Variants in CRIM1 observed in about 807,000 individuals in gnomAD.
CRIM1 encodes the protein cysteine-rich motor neuron 1 protein.
Under a neutral mutation model 116.4 loss-of-function variants are expected in CRIM1, and 32 were observed. The ratio of observed to expected loss-of-function variants is 0.27; its 90% CI spans 0.21 to 0.37. The LOEUF (loss-of-function observed/expected upper bound fraction) is 0.37. Among genes scored for constraint, CRIM1 ranks in the 10% least tolerant of loss-of-function variants. The pLI is 1.00. For missense variants in CRIM1, 1,331 were observed against 1,354.8 expected, an observed-to-expected ratio of 0.98 and a Z score of 0.28; for synonymous variants, 590 against 509.2, an observed-to-expected ratio of 1.16 and a Z score of -2.13.
At chr2:36,414,854 T>C (rs1469000468) in intron 2 of CRIM1, among the ~76,000 whole-genome samples, 1 of 152,048 alleles carries the variant, frequency 6.6e-6, no homozygotes, top group Non-Finnish European at 1.5e-5. Context: ...ACAGACAACA[T>C]GGTAAGGAGT....
intron 1 of CRIM1, among the ~76,000 whole-genome samples, chr2:36,375,490 A>G (rs781774029): frequency 4.6e-5 from 7 of 152,220 alleles, no homozygotes; most frequent in Admixed American, 2.0e-4. Context: ...CCAGGCTTCA[A>G]ATATATTTTA....
In CRIM1 at chr2:36,510,076, G is replaced by A; in HGVS notation, c.1595G>A (p.Cys532Tyr). ...TDAQNCEICE[C>Y]RPRPKKCRPI... ...GCCCAAAACTGTGAGATCTGTGAGT[G>A]CCGCCCAAGGCCCAAGAAGTGCAGA... Residue 532 changes from cysteine to tyrosine, a missense_variant, in exon 9 of 17, where the codon TGC (cysteine) becomes TAC (tyrosine). Physicochemically the swap from Cys to Tyr is radical, Grantham distance 194. Coordinates refer to ENST00000280527, the MANE Select transcript of CRIM1 (RefSeq NM_016441.3). 1.2e-6 allele frequency: 2 copies of A among 1,614,182 alleles called. No homozygotes were observed. The highest frequency in any genetic ancestry group is 2.2e-5 in the East Asian group (1 of 44,880).
Position 36,356,364 on chromosome 2 carries a change from G to A in CRIM1, c.72G>A (p.Leu24=). ...TCCTGGTCTCGCTGCTGGGGCTGCT[G>A]CTGCTGCTGGCGCGCTCCGGCACCC... ...GHLLVSLLGL[L]LLLARSGTRA... The change falls in exon 1 of 17, where the codon CTG becomes CTA. Residue 24 remains leucine (L), a synonymous_variant. Coordinates refer to ENST00000280527, the MANE Select transcript of CRIM1 (RefSeq NM_016441.3). This position sits in a 1 kb window ranked among gnomAD's most constrained non-coding sequence, Gnocchi z 4.3. 1 of 1,594,224 alleles carries A rather than the reference G, an allele frequency of 6.3e-7. No homozygotes were observed. The highest frequency in any genetic ancestry group is 8.5e-7 in the Non-Finnish European group (1 of 1,172,878).
chr2:36,375,966 C>T (rs1261619967), intron 1 of CRIM1, among the ~76,000 whole-genome samples: 2 of 152,134 alleles, frequency 1.3e-5, no homozygotes, highest in African/African-American at 4.8e-5. Context: ...AAATATTTGG[C>T]ACCCACCATA....
Position 36,472,457 on chromosome 2 carries a change from A to G in CRIM1, c.992-4432A>G, listed in dbSNP as rs563442252. 2.6e-5 allele frequency among the ~76,000 whole-genome samples: 4 copies of G among 152,258 alleles called. No individual in the cohort carries two copies. In the South Asian group the frequency reaches 6.2e-4, roughly 24 times the overall value. The stretch of plus-strand genomic sequence containing the variant: ...CCAGGCTGTGTTTTTAGGATTCTCC[A>G]TCTTTCTCACTTCCACTCCCTTGAT... On this transcript the variant is annotated intron_variant, in intron 5 of 16. Coordinates refer to ENST00000280527, the MANE Select transcript of CRIM1 (RefSeq NM_016441.3).
At chr2:36,383,807 A>G (rs918656795) in intron 1 of CRIM1, among the ~76,000 whole-genome samples, 4 of 152,196 alleles carry the variant, frequency 2.6e-5, no homozygotes, top group African/African-American at 9.7e-5. Flanking sequence ...CGGAGGAAAA[A>G]AAAGTGTTCC....
intron 5 of CRIM1, among the ~76,000 whole-genome samples, chr2:36,471,292 T>G (rs1678493800): frequency 6.6e-6 from 1 of 152,208 alleles, no homozygotes; most frequent in Non-Finnish European, 1.5e-5. Flanking sequence ...GACTCCAGTT[T>G]TGAAACAAGT....
intron 7 of CRIM1, among the ~76,000 whole-genome samples, chr2:36,492,611 C>G (rs1354710485): frequency 1.3e-5 from 2 of 152,102 alleles, no homozygotes; most frequent in Admixed American, 1.3e-4. Flanking sequence ...GGTGTTCTGA[C>G]CAGTTATGGG....
intron 1 of CRIM1, among the ~76,000 whole-genome samples, chr2:36,382,321 C>T (rs765028768): frequency 6.6e-6 from 1 of 152,210 alleles, no homozygotes; most frequent in African/African-American, 2.4e-5. Context: ...TTCTGAAACA[C>T]CTGTTTTAAG....
At chr2:36,492,246 A>G (rs1359364940) in intron 7 of CRIM1, among the ~76,000 whole-genome samples, 1 of 152,218 alleles carries the variant, frequency 6.6e-6, no homozygotes, top group Non-Finnish European at 1.5e-5. Flanking sequence ...ATTTTAAAAT[A>G]AAATAAACTG....
rs550438394 is a variant in CRIM1, at chr2:36,391,876, A to G, written c.332-4738A>G. Among the ~76,000 whole-genome samples the G allele has an allele frequency of 1.4e-4, 22 of 152,312 alleles. No individual in the cohort carries two copies. In the South Asian group the frequency reaches 3.9e-3, roughly 27 times the overall value. ...GTTGTGGCACCAAATTGTGCTAGTA[A>G]GTTACTGTATTCACCGTGTACTTTC... On this transcript the variant is annotated intron_variant, in intron 1 of 16. Coordinates refer to ENST00000280527, the MANE Select transcript of CRIM1 (RefSeq NM_016441.3).
chr2:36,496,948 A>G (rs555457864), intron 7 of CRIM1, among the ~76,000 whole-genome samples: 1 of 152,338 alleles, frequency 6.6e-6, no homozygotes, highest in Non-Finnish European at 1.5e-5. Context: ...TATCATTTAG[A>G]GGTAGAAGAT....
At chr2:36,488,106 AATATAT>A (rs1295467790) in intron 7 of CRIM1, among the ~76,000 whole-genome samples, 1 of 152,222 alleles carries the variant, frequency 6.6e-6, no homozygotes, top group African/African-American at 2.4e-5. Flanking sequence ...CACATTGCTT[AATATAT>A]GAGGGTTAGC....
chr2:36,389,568 A>G (rs1252026324), intron 1 of CRIM1, among the ~76,000 whole-genome samples: 1 of 152,216 alleles, frequency 6.6e-6, no homozygotes. Flanking sequence ...AATATCTGCT[A>G]TAGCATATTT....
chr2:36,408,502 C>G (rs2148408620), intron 2 of CRIM1, among the ~76,000 whole-genome samples: 1 of 152,328 alleles, frequency 6.6e-6, no homozygotes, highest in East Asian at 1.9e-4. Flanking sequence ...GGGAGGCCTT[C>G]TGAGCTGCTG....
rs752467856 is a variant in CRIM1, at chr2:36,356,587, G to T, written c.295G>T (p.Asp99Tyr). Residue 99 changes from aspartate to tyrosine, a missense_variant, in exon 1 of 17, where the codon GAC becomes TAC. Around this residue, in one of 3 missense-constraint regions of CRIM1, gnomAD observed 690 missense variants for 676.0 expected, o/e 1.02. Transcript: ENST00000280527. This position sits in a 1 kb window ranked among gnomAD's most constrained non-coding sequence, Gnocchi z 4.3. ...RCVIRPPLNG[D>Y]SLTEYEAGVC... is the part of the protein sequence containing the mutation. Reference sequence around the variant, plus strand: ...TGTCATCCGCCCCCCGCTCAATGGCGACTCCCTCACCGAGTACGAAGCGGG... The same window carrying T: ...TGTCATCCGCCCCCCGCTCAATGGCTACTCCCTCACCGAGTACGAAGCGGG... 8 of 1,611,594 alleles carry T rather than the reference G, an allele frequency of 5.0e-6. No homozygotes were observed. Among genetic ancestry groups the T allele is most frequent in the African/African-American group, 4.0e-5 (3 of 74,898 alleles).
intron 1 of CRIM1, among the ~76,000 whole-genome samples, chr2:36,381,862 G>T (rs1670802263): frequency 6.6e-6 from 1 of 152,182 alleles, no homozygotes; most frequent in Non-Finnish European, 1.5e-5. Context: ...TTTTTAACAT[G>T]CTCAGCCTTG....
At chr2:36,358,914 T>C (rs1347910577) in intron 1 of CRIM1, among the ~76,000 whole-genome samples, 2 of 152,140 alleles carry the variant, frequency 1.3e-5, no homozygotes, top group Non-Finnish European at 2.9e-5. Flanking sequence ...TGTTTTCACT[T>C]AACGACAAGA....
intron 2 of CRIM1, among the ~76,000 whole-genome samples, chr2:36,411,253 T>C (rs181287549): frequency 1.2e-4 from 19 of 152,318 alleles, no homozygotes; most frequent in Admixed American, 1.2e-3. Context: ...TGTTAACACT[T>C]CATTGCAGCA....
Sources: allele counts gnomAD v4.1 joint callset (sites outside exome capture counted in the v4.1 genomes callset), GRCh38; gene constraint gnomAD v4.1.1; regional missense constraint gnomAD v4.1.1; non-coding constraint Gnocchi (gnomAD v3.1); transcripts MANE v1.5; gene names NCBI Gene and HGNC (gene_info 2026-07-23, HGNC 2026-07-21).